CMIP: variants seen among roughly 807,000 people sequenced by gnomAD.
CMIP encodes C-Maf-inducing protein.
Under a neutral mutation model 97.3 loss-of-function variants are expected in CMIP, and 13 were observed. The observed-to-expected ratio is 0.13, with a 90% CI of 0.09 to 0.21. CMIP has a LOEUF of 0.21. Among genes scored for constraint, CMIP ranks in the 10% least tolerant of loss-of-function variants. The pLI, the probability that CMIP is intolerant of heterozygous loss-of-function variation, is 1.00. For missense variants in CMIP, 847 were observed against 1,024.9 expected (o/e 0.83, Z 2.37); for synonymous variants, 538 against 436.3 (o/e 1.23, Z -2.91).
At chr16:81,532,470 C>T (rs922330196) in intron 1 of CMIP, among the ~76,000 whole-genome samples, 12 of 152,210 alleles carry the variant, frequency 7.9e-5, no homozygotes, top group African/African-American at 2.2e-4. Flanking sequence ...TGAACTTATT[C>T]GCAGTCTCTA....
chr16:81,469,808 C>G (rs1371848466), intron 1 of CMIP, among the ~76,000 whole-genome samples: 1 of 152,224 alleles, frequency 6.6e-6, no homozygotes, highest in Admixed American at 6.5e-5. Context: ...GACAGCCAGG[C>G]TGCCGTGGGA....
chr16:81,690,881 G>A (rs780092207), intron 10 of CMIP, among the ~76,000 whole-genome samples: 24 of 152,160 alleles, frequency 1.6e-4, no homozygotes, highest in African/African-American at 5.1e-4. Context: ...AGCTGAGATC[G>A]TGCCATTGCA....
rs191085061 is a variant in CMIP, at chr16:81,543,992, T to G, written c.301-63575T>G. On this transcript the variant is annotated intron_variant, in intron 1 of 20. Transcript: ENST00000537098. ...GCTATTTTAAGGAGCTTTAGCACAT[T>G]TTTATTGCATCCACCTGGCATGAGA... Among the ~76,000 whole-genome samples, 3 of 152,354 alleles carry G rather than the reference T, an allele frequency of 2.0e-5. No homozygotes were observed. In the East Asian group the frequency reaches 5.8e-4, roughly 29 times the overall value.
chr16:81,495,566 G>T (rs1374281458), intron 1 of CMIP: 39 of 1,537,096 alleles, frequency 2.5e-5, no homozygotes, highest in South Asian at 2.2e-4. Flanking sequence ...GCTGCTGCTG[G>T]CCACAGGCCA....
intron 6 of CMIP, among the ~76,000 whole-genome samples, chr16:81,663,872 T>G (rs565017372): frequency 6.6e-6 from 1 of 152,112 alleles, no homozygotes; most frequent in Non-Finnish European, 1.5e-5. Flanking sequence ...GGAAACAAGA[T>G]TGTGTTGTCC....
At chr16:81,698,292 C>T (rs1242040980) in intron 14 of CMIP, among the ~76,000 whole-genome samples, 3 of 152,204 alleles carry the variant, frequency 2.0e-5, no homozygotes, top group South Asian at 2.1e-4. Flanking sequence ...CCCCCAGCCC[C>T]GGTGACCGGG....
chr16:81,672,817 G>T (rs746634670), intron 9 of CMIP, among the ~76,000 whole-genome samples: 1 of 152,194 alleles, frequency 6.6e-6, no homozygotes, highest in Non-Finnish European at 1.5e-5. Context: ...GGCTTAAGCA[G>T]TCTTCCCATT....
chr16:81,528,650 T>G (rs144966998), intron 1 of CMIP, among the ~76,000 whole-genome samples: 3 of 152,338 alleles, frequency 2.0e-5, no homozygotes, highest in African/African-American at 7.2e-5. Flanking sequence ...GCTACCTGCT[T>G]GCTGGGGCTT....
At chr16:81,479,031 T>A (rs1471152) in intron 1 of CMIP, among the ~76,000 whole-genome samples, 1 of 151,992 alleles carries the variant, frequency 6.6e-6, no homozygotes, top group Non-Finnish European at 1.5e-5. Flanking sequence ...AGCCGGGTCC[T>A]CAGGCACTCG....
At chr16:81,595,043 TC>T in intron 1 of CMIP, among the ~76,000 whole-genome samples, 2 of 151,814 alleles carry the variant, frequency 1.3e-5, no homozygotes, top group East Asian at 3.8e-4. Flanking sequence ...GGTCTCTCTC[TC>T]TCTCTCTCTC....
At chr16:81,491,895 C>T (rs1017956364) in intron 1 of CMIP, among the ~76,000 whole-genome samples, 1 of 152,184 alleles carries the variant, frequency 6.6e-6, no homozygotes, top group African/African-American at 2.4e-5. Flanking sequence ...CCGTCATCAG[C>T]GGAGATGACG....
rs1181008520 is a variant in CMIP, at chr16:81,614,852, ATC to A, written c.427-6020_427-6019del. ...GTGTATACGGTGTGTATGCACATGT[ATC>A]TCTGTGTGTGCATGTGTGTGTGGTA... On this transcript the variant is annotated intron_variant, in intron 2 of 20. Transcript: ENST00000537098. This position sits in a 1 kb window ranked among gnomAD's most constrained non-coding sequence, Gnocchi z 5.3. 2.0e-5 allele frequency among the ~76,000 whole-genome samples: 3 copies of A among 148,986 alleles called. No homozygotes were observed. The highest frequency in any genetic ancestry group is 3.0e-5 in the Non-Finnish European group (2 of 67,410).
At chr16:81,632,780 A>C (rs577256453) in intron 3 of CMIP, among the ~76,000 whole-genome samples, 1 of 152,190 alleles carries the variant, frequency 6.6e-6, no homozygotes, top group Non-Finnish European at 1.5e-5. Context: ...TGCCTGGGTC[A>C]CCGAGCCTTC....
intron 14 of CMIP, 128 bp downstream of exon 14, chr16:81,696,795 C>G: frequency 1.3e-6 from 1 of 746,590 alleles, no homozygotes. Flanking sequence ...CAGTGCTGAT[C>G]ATGAAGGTGG....
chr16:81,506,383 A>G (rs1284133307), intron 1 of CMIP, among the ~76,000 whole-genome samples: 1 of 152,178 alleles, frequency 6.6e-6, no homozygotes, highest in East Asian at 1.9e-4. Flanking sequence ...TCTGTTCTTA[A>G]GAGGTGGATC....
At chr16:81,660,693 C>CA (rs1201254266) in intron 5 of CMIP, among the ~76,000 whole-genome samples, 191 bp from the exon 6 acceptor site, 1 of 152,102 alleles carries the variant, frequency 6.6e-6, no homozygotes, top group Non-Finnish European at 1.5e-5. Flanking sequence ...CCCACACAGA[C>CA]AGATACGGTT....
intron 1 of CMIP, among the ~76,000 whole-genome samples, chr16:81,597,603 G>C (rs1187265624): frequency 2.7e-5 from 4 of 150,890 alleles, no homozygotes; most frequent in African/African-American, 4.9e-5. Context: ...CGGGGGGGGG[G>C]GAGTCTCCCA....
intron 3 of CMIP, among the ~76,000 whole-genome samples, chr16:81,626,186 G>A (rs2092058118): frequency 6.6e-6 from 1 of 152,112 alleles, no homozygotes; most frequent in Admixed American, 6.5e-5. Flanking sequence ...AAGAATGTGG[G>A]GTGTGTGAGT....
rs369104878 is a variant in CMIP at position 81,678,645 on chromosome 16, C to T, written c.1388+17C>T. The T allele has an allele frequency of 2.0e-5, 25 of 1,258,240 alleles. No homozygotes were observed. The highest frequency in any genetic ancestry group is 1.5e-4 in the African/African-American group (10 of 67,788). 77.9% of individuals were successfully genotyped at this position (1,258,240 alleles called of 1,614,324 possible). A position where few individuals can be genotyped will look rare whatever the true frequency, so the allele number is the denominator to read the frequency against. On this transcript the variant is annotated intron_variant, in intron 10 of 20. Coordinates refer to ENST00000537098, the MANE Select transcript of CMIP (RefSeq NM_198390.3). ...CAAGCTGCTGTGAGTGCCCCCCCCG[C>T]GTGCCCGCCCCCGGGGCCGGTGGGA...
Sources: allele counts gnomAD v4.1 joint callset (sites outside exome capture counted in the v4.1 genomes callset), GRCh38; gene constraint gnomAD v4.1.1; non-coding constraint Gnocchi (gnomAD v3.1); transcripts MANE v1.5; gene names NCBI Gene and HGNC (gene_info 2026-07-23, HGNC 2026-07-21).